Variants in TSNARE1 observed in about 807,000 individuals in gnomAD.
TSNARE1 encodes t-SNARE domain containing 1, also known as t-SNARE domain-containing protein 1.
A neutral mutation model predicts 62.0 loss-of-function variants in TSNARE1; 49 were observed. The observed-to-expected ratio is 0.79, with a 90% CI of 0.63 to 1.00. The LOEUF (loss-of-function observed/expected upper bound fraction) is 1.00. Among genes scored for constraint, TSNARE1 ranks in the 50% least tolerant of loss-of-function variants. The probability of loss-of-function intolerance (pLI) is 0.00; values close to 1 mark genes in which losing one functional copy is unlikely to be tolerated. For synonymous variants in TSNARE1, 328 were observed against 294.4 expected (o/e 1.11, Z -1.17); for missense variants, 755 against 700.1 (o/e 1.08, Z -0.88).
chr8:142,262,404 A>T (rs1818941867), intron 12 of TSNARE1, among the ~76,000 whole-genome samples: 1 of 151,944 alleles, frequency 6.6e-6, no homozygotes, highest in Admixed American at 6.6e-5. Flanking sequence ...TTTCTCCACA[A>T]ATATTGTCCT....
At chr8:142,251,907 C>A (rs557559560) in intron 12 of TSNARE1, among the ~76,000 whole-genome samples, 56 of 145,198 alleles carry the variant, frequency 3.9e-4, no homozygotes, top group African/African-American at 1.2e-3. Flanking sequence ...ATGTACCTGC[C>A]GCCCGCGTTC....
At position 142,318,418 on chromosome 8, in the gene TSNARE1, C is replaced by G. The variant is rs756992016; in HGVS notation, c.984+126G>C. 378 of 931,582 alleles carry G rather than the reference C, an allele frequency of 4.1e-4. 1 individual carries two copies. Among genetic ancestry groups the G allele is most frequent in the Non-Finnish European group, 4.0e-4 (246 of 607,866 alleles). 57.7% of individuals were successfully genotyped at this position (931,582 alleles called of 1,614,324 possible). A position where few individuals can be genotyped will look rare whatever the true frequency, so the allele number is the denominator to read the frequency against. On this transcript the variant is annotated intron_variant, in intron 7 of 13. Coordinates refer to ENST00000524325, the MANE Select transcript of TSNARE1 (RefSeq NM_145003.5). ...GAGCCATGGGAGGCTGGGTGCCAGG[C>G]CAGTCTGTGTCCATCCACACACGTC...
intron 12 of TSNARE1, among the ~76,000 whole-genome samples, chr8:142,261,575 T>C (rs911400803): frequency 1.3e-5 from 2 of 152,016 alleles, no homozygotes; most frequent in Non-Finnish European, 2.9e-5. Flanking sequence ...CCTCAATGCA[T>C]TGACCCATGT....
rs1833074374 is a variant in TSNARE1, at chr8:142,344,436, T to C, written c.275A>G (p.Glu92Gly). Residue 92 changes from glutamate (E) to glycine (G), a missense_variant, in exon 4 of 14, where the codon GAG becomes GGG. Coordinates refer to ENST00000524325, the MANE Select transcript of TSNARE1 (RefSeq NM_145003.5). ...GCCAATGGTGGGTGATGAGGTGGGC[T>C]CCGGCATCCGGCTGCCTTCAGGGGC... ...GVAPEGSRMP[E>G]PTSSPTIGPR... The C allele has an allele frequency of 1.9e-6, 3 of 1,579,656 alleles. No individual in the cohort carries two copies. Among genetic ancestry groups the C allele is most frequent in the Non-Finnish European group, 2.6e-6 (3 of 1,164,462 alleles).
At chr8:142,334,615 A>T (rs1197363637) in intron 4 of TSNARE1, among the ~76,000 whole-genome samples, 1 of 148,088 alleles carries the variant, frequency 6.8e-6, no homozygotes, top group Admixed American at 6.6e-5. Flanking sequence ...CCACAAGCAG[A>T]ATAAATACAT....
At chr8:142,250,560 C>A (rs1414867625) in intron 12 of TSNARE1, among the ~76,000 whole-genome samples, 7 of 152,210 alleles carry the variant, frequency 4.6e-5, no homozygotes, top group African/African-American at 1.7e-4. Flanking sequence ...CAGTAGCCTG[C>A]TGCCGCTTGT....
chr8:142,263,725 T>C (rs1300192990), intron 12 of TSNARE1, among the ~76,000 whole-genome samples: 2 of 152,224 alleles, frequency 1.3e-5, no homozygotes, highest in African/African-American at 4.8e-5. Context: ...TGGACTTTTC[T>C]AGGAATCTGT....
At chr8:142,406,966 A>T (rs1838591753), upstream of TSNARE1, 1 of 152,264 alleles carries the variant, frequency 6.6e-6, no homozygotes, top group Admixed American at 6.5e-5. Flanking sequence ...ACAGCCTCCC[A>T]AGGTGTTTAA....
intron 5 of TSNARE1, 128 bp from the exon 6 acceptor site, chr8:142,331,098 G>T: frequency 1.3e-6 from 1 of 772,082 alleles, no homozygotes; most frequent in Non-Finnish European, 2.1e-6. Context: ...TTGAGCCAGG[G>T]CAGACCACCT....
intron 11 of TSNARE1, among the ~76,000 whole-genome samples, chr8:142,282,323 T>C (rs1319161553): frequency 1.3e-5 from 2 of 152,222 alleles, no homozygotes; most frequent in Non-Finnish European, 2.9e-5. Flanking sequence ...GGGGAATCTC[T>C]GGGCAGAGGC....
intron 13 of TSNARE1, among the ~76,000 whole-genome samples, chr8:142,225,716 C>T (rs1003242295): frequency 1.3e-5 from 2 of 152,220 alleles, no homozygotes; most frequent in Admixed American, 6.5e-5. Flanking sequence ...CCCCATGGCC[C>T]GTGATGAGGC....
chr8:142,269,369 G>A (rs1819319422), intron 12 of TSNARE1: 1 of 919,032 alleles, frequency 1.1e-6, no homozygotes, highest in African/African-American at 1.8e-5. Flanking sequence ...CACAGTGTGG[G>A]GTGAAGGTTG....
At chr8:142,353,793 A>AC (rs61143233) in intron 2 of TSNARE1, among the ~76,000 whole-genome samples, 6 of 120,444 alleles carry the variant, frequency 5.0e-5, no homozygotes, top group Admixed American at 1.7e-4. Flanking sequence ...GGTGAGGGAG[A>AC]CCTGCCCGCA....
intron 5 of TSNARE1, among the ~76,000 whole-genome samples, chr8:142,331,408 A>C (rs1831010269): frequency 6.6e-6 from 1 of 152,198 alleles, no homozygotes; most frequent in Non-Finnish European, 1.5e-5. Flanking sequence ...CTCCATCCAG[A>C]TCACACAAAA....
intron 12 of TSNARE1, among the ~76,000 whole-genome samples, chr8:142,249,770 ACTC>A (rs1227229864): frequency 1.1e-4 from 17 of 151,372 alleles, no homozygotes; most frequent in African/African-American, 3.9e-4. Flanking sequence ...AGACCGTGGC[ACTC>A]CTCCTCCCTC....
intron 11 of TSNARE1, chr8:142,275,459 C>CA: frequency 1.0e-6 from 1 of 985,408 alleles, no homozygotes; most frequent in South Asian, 4.7e-5. Flanking sequence ...AGGGAAGCCA[C>CA]ATCAGCAGGG....
rs1319679212 is a variant in TSNARE1, at chr8:142,338,696, G to C, written c.745+5270C>G. Among the ~76,000 whole-genome samples the C allele has an allele frequency of 2.6e-5, 4 of 152,262 alleles. No homozygotes were observed. In the East Asian group the frequency reaches 7.7e-4, roughly 29 times the overall value. ...AGTTGCCGGAGGGGATGAGCTGAAG[G>C]ATGTGGCCCCGGCTCAGGTTCAGGC... On this transcript the variant is annotated intron_variant, in intron 4 of 13. Coordinates refer to ENST00000524325, the MANE Select transcript of TSNARE1 (RefSeq NM_145003.5).
chr8:142,369,891 G>C (rs2131011714), intron 1 of TSNARE1, among the ~76,000 whole-genome samples: 1 of 152,360 alleles, frequency 6.6e-6, no homozygotes, highest in East Asian at 1.9e-4. Flanking sequence ...AACAGTGGCA[G>C]AGAATTTTCC....
intron 12 of TSNARE1, among the ~76,000 whole-genome samples, chr8:142,244,969 C>A (rs1239196081): frequency 2.6e-5 from 4 of 152,258 alleles, no homozygotes; most frequent in Non-Finnish European, 5.9e-5. Context: ...GCAGACGCTG[C>A]ACCATCATTA....
Sources: allele counts gnomAD v4.1 joint callset (sites outside exome capture counted in the v4.1 genomes callset), GRCh38; gene constraint gnomAD v4.1.1; transcripts MANE v1.5; gene names NCBI Gene and HGNC (gene_info 2026-07-23, HGNC 2026-07-21).